The following CHD9 variants were observed in gnomAD, a reference collection of about 807,000 sequenced individuals.
CHD9 encodes the protein chromodomain helicase DNA binding protein 9.
CHD9 carries 77 observed loss-of-function variants against 316.1 expected under a neutral mutation model. The ratio of observed to expected loss-of-function variants is 0.24; its 90% CI spans 0.20 to 0.29. The LOEUF (loss-of-function observed/expected upper bound fraction) is 0.29, where lower values mean the gene tolerates loss of function less well. Ranked by LOEUF, CHD9 falls within the 10% of genes least tolerant of loss-of-function variation. CHD9 has a pLI of 1.00. For synonymous variants in CHD9, 1,129 were observed against 1,158.3 expected, an observed-to-expected ratio of 0.97 and a Z score of 0.51; for missense variants, 2,763 against 3,438.1, an observed-to-expected ratio of 0.80 and a Z score of 4.91.
chr16:53,311,148 C>T (rs552862174), intron 34 of CHD9: 4 of 150,206 alleles, frequency 2.7e-5, no homozygotes, highest in Admixed American at 2.0e-4. Context: ...CCACTGCACT[C>T]CTAGGTGACA....
In CHD9 at chr16:53,077,489, A is replaced by C. The variant is rs533018369; in HGVS notation, c.-165+22412A>C. ...CAGGCACCCGCCACCACGCCCAGTTAATTTTGTTTTTGTATTTTTAGTAGA... is the reference window on the plus strand; with the variant it reads ...CAGGCACCCGCCACCACGCCCAGTTCATTTTGTTTTTGTATTTTTAGTAGA... On this transcript the variant is annotated intron_variant, in intron 1 of 38. Coordinates refer to ENST00000447540, the MANE Select transcript of CHD9 (RefSeq NM_001308319.2). Among the ~76,000 whole-genome samples the C allele has an allele frequency of 2.0e-5, 3 of 151,234 alleles. No homozygotes were observed. The South Asian group carries it at 6.2e-4, about 31-fold the overall frequency.
Position 53,226,467 on chromosome 16 carries a change from G to T in CHD9, c.1998G>T (p.Lys666Asn), listed in dbSNP as rs773431903. ...EEVKGSMKIK[K>N]NSAPLPGEQP... ...TTAAAGGTTCTATGAAAATAAAAAA[G>T]AATTCAGCTCCTTTACCTGGTGAAC... The change falls in exon 5 of 39, where the codon AAG becomes AAT. Residue 666 changes from lysine to asparagine, a missense_variant. Transcript: ENST00000447540. The T allele has an allele frequency of 3.2e-5, 51 of 1,608,048 alleles. No homozygotes were observed. Among genetic ancestry groups the T allele is most frequent in the South Asian group, 8.9e-5 (8 of 89,446 alleles).
chr16:53,323,054 G>C (rs1051589198), intron 38 of CHD9, among the ~76,000 whole-genome samples: 3 of 152,094 alleles, frequency 2.0e-5, no homozygotes, highest in African/African-American at 7.2e-5. Context: ...GAACTGCATT[G>C]TCACAAACAG....
At chr16:53,317,515 C>G (rs1468474702) in intron 36 of CHD9, among the ~76,000 whole-genome samples, 1 of 152,046 alleles carries the variant, frequency 6.6e-6, no homozygotes, top group Non-Finnish European at 1.5e-5. Flanking sequence ...TGTTTTGAGA[C>G]AGGGCCTCAC....
chr16:53,168,533 A>C (rs752892801), intron 2 of CHD9: 1 of 152,188 alleles, frequency 6.6e-6, no homozygotes, highest in Admixed American at 6.5e-5. Flanking sequence ...CTAATGGTTT[A>C]GTAGAAACTT....
intron 24 of CHD9, among the ~76,000 whole-genome samples, chr16:53,278,221 A>G (rs1315304327): frequency 6.6e-6 from 1 of 152,134 alleles, no homozygotes; most frequent in Non-Finnish European, 1.5e-5. Flanking sequence ...TCCTATCAAA[A>G]TACCACCATC....
At chr16:53,085,161 G>A (rs1404042308) in intron 1 of CHD9, among the ~76,000 whole-genome samples, 1 of 152,052 alleles carries the variant, frequency 6.6e-6, no homozygotes, top group Non-Finnish European at 1.5e-5. Context: ...GTGAGTAGCT[G>A]CTGCCCCTTT....
intron 5 of CHD9, among the ~76,000 whole-genome samples, chr16:53,226,872 T>A (rs1248972001): frequency 6.6e-6 from 1 of 152,218 alleles, no homozygotes; most frequent in Non-Finnish European, 1.5e-5. Flanking sequence ...TTTTTAGCAG[T>A]GTATAAACCC....
intron 1 of CHD9, among the ~76,000 whole-genome samples, chr16:53,064,429 G>C (rs2033296682): frequency 6.6e-6 from 1 of 152,162 alleles, no homozygotes; most frequent in Admixed American, 6.5e-5. Context: ...GCTCAGGGTA[G>C]GGAGGGTGTG....
intron 2 of CHD9, among the ~76,000 whole-genome samples, chr16:53,163,674 A>G (rs1390355865): frequency 6.6e-6 from 1 of 152,212 alleles, no homozygotes; most frequent in Non-Finnish European, 1.5e-5. Context: ...ATGGTTTAGC[A>G]ACCATTGTAA....
chr16:53,253,362 G>A (rs1034519856), intron 17 of CHD9, among the ~76,000 whole-genome samples: 3 of 152,134 alleles, frequency 2.0e-5, no homozygotes, highest in Non-Finnish European at 4.4e-5. Context: ...CAAACATCGT[G>A]TGTTCTCACT....
In CHD9 at chr16:53,227,471, A is replaced by G. The variant is rs1332396468; in HGVS notation, c.2112+7A>G. 1 of 1,535,300 alleles carries G rather than the reference A, an allele frequency of 6.5e-7. No homozygotes were observed. Among genetic ancestry groups the G allele is most frequent in the East Asian group, 2.4e-5 (1 of 42,472 alleles). ...TAGAACCGTAAAAAAGGAAGTAAGTACTGGTACATTACATTTTACACTTCA... is the reference window on the plus strand; with the variant it reads ...TAGAACCGTAAAAAAGGAAGTAAGTGCTGGTACATTACATTTTACACTTCA... On this transcript the variant is annotated splice_region_variant and intron_variant, in intron 6 of 38. Transcript: ENST00000447540.
intron 1 of CHD9, among the ~76,000 whole-genome samples, chr16:53,092,505 G>A (rs1436187070): frequency 6.6e-6 from 1 of 152,094 alleles, no homozygotes; most frequent in Non-Finnish European, 1.5e-5. Flanking sequence ...TCCCATGAAG[G>A]TGATTTGGGA....
rs2152933305 is a variant in CHD9, at chr16:53,235,253, C to T, written c.2580C>T (p.Leu860=). ...QSRDYKNGNQ[L]REYQLEGLNW... is the part of the protein sequence containing the mutation. ...GGGACTATAAAAATGGCAATCAACTCAGGGAATATCAACTGGAAGGACTCA... is the reference window on the plus strand; with the variant it reads ...GGGACTATAAAAATGGCAATCAACTTAGGGAATATCAACTGGAAGGACTCA... The change falls in exon 11 of 39, where the codon CTC becomes CTT. Residue 860 remains leucine, a synonymous_variant. Transcript: ENST00000447540. The T allele has an allele frequency of 4.5e-6, 7 of 1,548,122 alleles. No individual in the cohort carries two copies. The highest frequency in any genetic ancestry group is 1.2e-5 in the South Asian group (1 of 84,164).
chr16:53,132,291 T>C (rs536948757), intron 1 of CHD9, among the ~76,000 whole-genome samples: 6 of 152,314 alleles, frequency 3.9e-5, no homozygotes, highest in African/African-American at 1.4e-4. Flanking sequence ...AATTCCCCTG[T>C]ATTAAATAAA....
chr16:53,110,858 C>T (rs757717410), intron 1 of CHD9, among the ~76,000 whole-genome samples: 2 of 152,132 alleles, frequency 1.3e-5, no homozygotes, highest in African/African-American at 2.4e-5. Context: ...ACGGTGTGGG[C>T]CAGTGTGTGA....
intron 30 of CHD9, chr16:53,299,484 C>T (rs546784318): frequency 1.3e-4 from 35 of 266,766 alleles, no homozygotes; most frequent in South Asian, 4.8e-4. Flanking sequence ...TATCAGTCTG[C>T]GCTCTGCAGC....
intron 5 of CHD9, 83 bp downstream of exon 5, chr16:53,226,595 A>C: frequency 6.8e-7 from 1 of 1,468,732 alleles, no homozygotes; most frequent in Non-Finnish European, 9.2e-7. Context: ...TTCCTACTAA[A>C]AATTGCTCTA....
At chr16:53,233,436 T>C (rs2048350331) in intron 10 of CHD9, among the ~76,000 whole-genome samples, 2 of 152,184 alleles carry the variant, frequency 1.3e-5, no homozygotes, top group Non-Finnish European at 2.9e-5. Flanking sequence ...TGAGTTCTTG[T>C]TCACCTTTCT....
Sources: gnomAD v4.1 joint callset for allele counts (sites outside exome capture counted in the v4.1 genomes callset) on GRCh38, gnomAD v4.1.1 for gene constraint, MANE v1.5 for transcripts, NCBI Gene and HGNC (gene_info 2026-07-23, HGNC 2026-07-21) for gene names.